ABCB7: variants seen among roughly 807,000 people sequenced by gnomAD.
ABCB7 encodes the protein ATP binding cassette subfamily B member 7, also known as iron-sulfur clusters transporter ABCB7, mitochondrial.
In ABCB7, 7 loss-of-function variants were observed where a neutral mutation model predicts 54.4. The observed-to-expected ratio is 0.13, with a 90% CI of 0.07 to 0.24. The LOEUF is 0.24. ABCB7 is among the 10% of genes least tolerant of loss of function. ABCB7 has a pLI of 1.00. For missense variants in ABCB7, 356 were observed against 570.4 expected, an observed-to-expected ratio of 0.62 and a Z score of 3.83; for synonymous variants, 218 against 207.1, an observed-to-expected ratio of 1.05 and a Z score of -0.45.
chrX:75,155,549 T>C (rs973834545), intron 1 of ABCB7, among the ~76,000 whole-genome samples: 2 of 111,629 alleles, frequency 1.8e-5, no homozygotes, highest in Non-Finnish European at 3.8e-5. Flanking sequence ...TCTAGGACAG[T>C]CATATTTATA....
rs2081209772 is a variant in ABCB7, at chrX:75,053,322, G to C, written c.*48C>G. On this transcript the variant is annotated 3_prime_UTR_variant, in exon 16 of 16. Transcript: ENST00000373394. ...TTTAATAAAACAATTCTGCTTCAGTGCAAATATGTAGTCCAAAACAACAAA... is the reference window on the plus strand; with the variant it reads ...TTTAATAAAACAATTCTGCTTCAGTCCAAATATGTAGTCCAAAACAACAAA... 1 of 1,200,442 alleles carries C rather than the reference G, an allele frequency of 8.3e-7. No individual in the cohort carries two copies. Among genetic ancestry groups the C allele is most frequent in the African/African-American group, 1.7e-5 (1 of 57,564 alleles).
In ABCB7 at chrX:75,102,288, A is replaced by G. The variant is rs754144754; in HGVS notation, c.334-3227T>C. ...TCAAACATTAAAACTTACACCTTTT[A>G]TCTAACTGTAGGTTTGTACCCATTG... On this transcript the variant is annotated intron_variant, in intron 3 of 15. Coordinates refer to ENST00000373394, the MANE Select transcript of ABCB7 (RefSeq NM_001271696.3). Among the ~76,000 whole-genome samples the G allele has an allele frequency of 5.4e-5, 6 of 110,772 alleles. No individual in the cohort carries two copies. The South Asian group carries it at 2.3e-3, about 43-fold the overall frequency.
intron 15 of ABCB7, among the ~76,000 whole-genome samples, chrX:75,059,610 A>G (rs1040995018): frequency 9.0e-6 from 1 of 111,343 alleles, no homozygotes; most frequent in Non-Finnish European, 1.9e-5. Flanking sequence ...TGTGGGGAGA[A>G]GAGGTCCTTA....
At chrX:75,139,839 G>T (rs1408722221) in intron 1 of ABCB7, among the ~76,000 whole-genome samples, 5 of 111,627 alleles carry the variant, frequency 4.5e-5, no homozygotes, top group African/African-American at 1.6e-4. Flanking sequence ...ATACAGGCTA[G>T]TACAAAAGTT....
chrX:75,060,206 A>T lies in ABCB7; in HGVS notation c.2043+17T>A, dbSNP rs73502896. 18,453 of 1,157,106 alleles carry T rather than the reference A, an allele frequency of 0.016. 1,813 individuals carry two copies. The African/African-American group carries it at 0.29, about 18-fold the overall frequency. The stretch of plus-strand genomic sequence containing the variant: ...CAGTGTTCCTCAAATACTAAACTTT[A>T]AAGTTAAATGTCTTACCTGATCCAA... On this transcript the variant is annotated intron_variant, in intron 15 of 15. Transcript: ENST00000373394.
At chrX:75,074,022 C>T (rs748766335) in intron 6 of ABCB7, 66 bp from the exon 7 acceptor site, 57 of 908,929 alleles carry the variant, frequency 6.3e-5, no homozygotes, top group Non-Finnish European at 8.3e-5. Context: ...GTTTGTAATA[C>T]ACAACAGCAA....
chrX:75,068,939 T>C, intron 12 of ABCB7, 68 bp downstream of exon 12: 6 of 1,110,520 alleles, frequency 5.4e-6, no homozygotes, highest in Non-Finnish European at 7.5e-6. Context: ...TGATTCAAAC[T>C]GTTCTAGTTA....
intron 3 of ABCB7, among the ~76,000 whole-genome samples, chrX:75,104,681 C>T (rs1019497655): frequency 9.0e-6 from 1 of 110,962 alleles, no homozygotes; most frequent in African/African-American, 3.3e-5. Context: ...GGGAATCCTC[C>T]GTAACTCATT....
intron 15 of ABCB7, among the ~76,000 whole-genome samples, chrX:75,054,372 C>T (rs1402581057): frequency 1.8e-5 from 2 of 111,775 alleles, no homozygotes; most frequent in African/African-American, 3.3e-5. Flanking sequence ...CTATGGAATA[C>T]GGAGATTCAA....
chrX:75,054,541 T>C lies in ABCB7; in HGVS notation c.2044-956A>G, dbSNP rs900177189. 2.7e-5 allele frequency among the ~76,000 whole-genome samples: 3 copies of C among 111,187 alleles called. No homozygotes were observed. The Admixed American group carries it at 2.9e-4, about 11-fold the overall frequency. ...AGGATTTTATATTTATTTTCTTATA[T>C]AGTCTTTTAATTCTCCTAGACTTAG... On this transcript the variant is annotated intron_variant, in intron 15 of 15. Coordinates refer to ENST00000373394, the MANE Select transcript of ABCB7 (RefSeq NM_001271696.3).
intron 1 of ABCB7, among the ~76,000 whole-genome samples, chrX:75,121,059 C>T (rs964420376): frequency 2.9e-4 from 32 of 110,195 alleles, no homozygotes; most frequent in African/African-American, 9.9e-4. Context: ...GAGGCTGAGG[C>T]GGGCGGATCA....
At chrX:75,147,245 G>A (rs1041395908) in intron 1 of ABCB7, among the ~76,000 whole-genome samples, 1 of 111,722 alleles carries the variant, frequency 9.0e-6, no homozygotes, top group Admixed American at 9.5e-5. Context: ...TTCAACTACT[G>A]TGGAGAGCAG....
Position 75,064,699 on chromosome X carries a change from C to A in ABCB7, c.1831+371G>T, listed in dbSNP as rs928980319. 2.7e-5 allele frequency among the ~76,000 whole-genome samples: 3 copies of A among 111,096 alleles called. No homozygotes were observed. In the South Asian group the frequency reaches 1.1e-3, roughly 42 times the overall value. On this transcript the variant is annotated intron_variant, in intron 13 of 15. Transcript: ENST00000373394. ...GTTATGATGAGAGATATACACTATTCGTTATCAAATTACTTCTCCCTAACC... is the reference window on the plus strand; with the variant it reads ...GTTATGATGAGAGATATACACTATTAGTTATCAAATTACTTCTCCCTAACC...
chrX:75,113,471 T>C (rs1266496370), intron 2 of ABCB7, among the ~76,000 whole-genome samples: 1 of 112,262 alleles, frequency 8.9e-6, no homozygotes, highest in Non-Finnish European at 1.9e-5. Context: ...TATTTTTTAA[T>C]ATCTCATAGT....
At chrX:75,070,700 A>C (rs964426378) in intron 9 of ABCB7, among the ~76,000 whole-genome samples, 178 bp from the exon 10 acceptor site, 3 of 111,382 alleles carry the variant, frequency 2.7e-5, no homozygotes, top group African/African-American at 9.8e-5. Context: ...AACTTAGTAT[A>C]CGTTAGGAAT....
At chrX:75,115,743 C>T (rs931062185) in intron 1 of ABCB7, among the ~76,000 whole-genome samples, 5 of 107,878 alleles carry the variant, frequency 4.6e-5, no homozygotes, top group Non-Finnish European at 7.7e-5. Context: ...CCCAAAGAAA[C>T]CTGGAAGTCT....
At chrX:75,069,860 TTTTA>T (rs58703477) in intron 10 of ABCB7, among the ~76,000 whole-genome samples, 6 of 110,219 alleles carry the variant, frequency 5.4e-5, no homozygotes, top group East Asian at 5.7e-4. Flanking sequence ...CATTGTAAGA[TTTTA>T]TTTATTTATT....
rs923541584 is a variant in ABCB7 at position 75,060,441 on chromosome X, T to G, written c.1936-111A>C. On this transcript the variant is annotated intron_variant, in intron 14 of 15. Coordinates refer to ENST00000373394, the MANE Select transcript of ABCB7 (RefSeq NM_001271696.3). ...CTAAAGGAACATAAAAAATGCCAGTTTTTTTTTAGTATGTAACTTTATACT... is the reference window on the plus strand; with the variant it reads ...CTAAAGGAACATAAAAAATGCCAGTGTTTTTTTAGTATGTAACTTTATACT... 71 of 572,754 alleles carry G rather than the reference T, an allele frequency of 1.2e-4. No homozygotes were observed. The African/African-American group carries it at 1.5e-3, about 12-fold the overall frequency. The allele number at this position is 572,754 out of a possible 1,213,427, so 47.2% of individuals were successfully genotyped here. A position where few individuals can be genotyped will look rare whatever the true frequency, so the allele number is the denominator to read the frequency against.
chrX:75,098,633 C>T (rs1429736461), intron 4 of ABCB7, among the ~76,000 whole-genome samples: 1 of 111,144 alleles, frequency 9.0e-6, no homozygotes, highest in Non-Finnish European at 1.9e-5. Context: ...TGTATTATTT[C>T]GGAGCCAAAG....
Sources: allele counts gnomAD v4.1 joint callset (sites outside exome capture counted in the v4.1 genomes callset), GRCh38; gene constraint gnomAD v4.1.1; transcripts MANE v1.5; gene names NCBI Gene and HGNC (gene_info 2026-07-23, HGNC 2026-07-21).